Variants in PCDHGA1 observed in about 807,000 individuals in gnomAD.
PCDHGA1 encodes the protein protocadherin gamma-A1.
A neutral mutation model predicts 58.0 loss-of-function variants in PCDHGA1; 32 were observed. The ratio of observed to expected loss-of-function variants is 0.55; its 90% CI spans 0.42 to 0.74. PCDHGA1 has a LOEUF of 0.74. Among genes scored for constraint, PCDHGA1 ranks in the 30% least tolerant of loss-of-function variants. PCDHGA1 has a pLI of 0.00. For synonymous variants in PCDHGA1, 498 were observed against 501.1 expected (o/e 0.99, Z 0.08); for missense variants, 1,205 against 1,182.3 (o/e 1.02, Z -0.28).
intron 1 of PCDHGA1, chr5:141,478,489 C>G (rs779457709): frequency 5.6e-6 from 9 of 1,613,162 alleles, no homozygotes; most frequent in Middle Eastern, 1.6e-4. Flanking sequence ...CGCTGCGGAG[C>G]TGTGATCCGG....
chr5:141,510,852 G>A (rs2099883073), intron 3 of PCDHGA1, 95 bp from the exon 4 acceptor site: 2 of 1,601,096 alleles, frequency 1.2e-6, no homozygotes, highest in Non-Finnish European at 1.7e-6. Flanking sequence ...GGCCCAGGGT[G>A]CTGTATAGGC....
At chr5:141,408,205 G>A (rs1222360149) in intron 1 of PCDHGA1, 2 of 1,551,762 alleles carry the variant, frequency 1.3e-6, no homozygotes, top group Non-Finnish European at 1.7e-6. Context: ...AGCGAACGAT[G>A]GGAGGGAGCT....
chr5:141,349,057 A>T (rs1758226786), intron 1 of PCDHGA1, among the ~76,000 whole-genome samples: 1 of 152,072 alleles, frequency 6.6e-6, no homozygotes, highest in Non-Finnish European at 1.5e-5. Context: ...AGTCGGCTGG[A>T]GCTGAGAATT....
rs752743418 is a variant in PCDHGA1, at chr5:141,332,098, T to C, written c.1414T>C (p.Phe472Leu). The C allele has an allele frequency of 1.9e-6, 3 of 1,614,154 alleles. No individual in the cohort carries two copies. Among genetic ancestry groups the C allele is most frequent in the Non-Finnish European group, 2.5e-6 (3 of 1,180,032 alleles). The part of the protein sequence containing the change: ...PENNPRGASI[F>L]SVRAHDLDSN... ...AAACAACCCCAGAGGAGCCTCCATCTTCTCTGTGAGGGCCCACGACTTGGA... is the reference window on the plus strand; with the variant it reads ...AAACAACCCCAGAGGAGCCTCCATCCTCTCTGTGAGGGCCCACGACTTGGA... The change falls in exon 1 of 4, where the codon TTC (phenylalanine) becomes CTC (leucine). Residue 472 changes from phenylalanine (F) to leucine (L), a missense_variant. Phe to Leu is a conservative substitution (Grantham distance 22). Transcript: ENST00000517417. The surrounding 1 kb of genome is among the most constrained non-coding windows in gnomAD (Gnocchi z 4.6).
chr5:141,409,447 A>C, intron 1 of PCDHGA1: 1 of 1,614,008 alleles, frequency 6.2e-7, no homozygotes, highest in Non-Finnish European at 8.5e-7. Context: ...GAGAGCAGAC[A>C]CCAGAATACA....
At chr5:141,414,239 C>T in intron 1 of PCDHGA1, 1 of 1,613,498 alleles carries the variant, frequency 6.2e-7, no homozygotes, top group Non-Finnish European at 8.5e-7. Context: ...ACCATCACGT[C>T]TCTATTTAGT....
Position 141,330,775 on chromosome 5 carries a change from A to G in PCDHGA1, c.91A>G (p.Ile31Val). The change falls in exon 1 of 4, where the codon ATT (isoleucine) becomes GTT (valine). Residue 31 changes from isoleucine to valine, a missense_variant. By Grantham distance (29) the Ile-to-Val change is conservative (BLOSUM62 3). Transcript: ENST00000517417. ...ELLLEAGAGN[I>V]HYSVPEETDK... The stretch of plus-strand genomic sequence containing the variant: ...GCTGTTGGAAGCTGGGGCTGGGAAT[A>G]TTCACTACTCAGTGCCGGAAGAGAC... The G allele has an allele frequency of 6.2e-7, 1 of 1,614,208 alleles. No individual in the cohort carries two copies. Among genetic ancestry groups the G allele is most frequent in the Non-Finnish European group, 8.5e-7 (1 of 1,180,052 alleles).
chr5:141,505,143 C>G lies in PCDHGA1; in HGVS notation c.2481-250C>G, dbSNP rs578261428. ...CGCCACTGCACTCCAGCCTGGATGA[C>G]AGAGTAAGACCCTGTCTAAAACAAA... On this transcript the variant is annotated intron_variant, in intron 2 of 3. Coordinates refer to ENST00000517417, the MANE Select transcript of PCDHGA1 (RefSeq NM_018912.3). Among the ~76,000 whole-genome samples the G allele has an allele frequency of 3.3e-5, 5 of 152,290 alleles. No homozygotes were observed. The East Asian group carries it at 7.7e-4, about 24-fold the overall frequency.
At chr5:141,399,189 A>G (rs1015744299) in intron 1 of PCDHGA1, 11 of 1,613,970 alleles carry the variant, frequency 6.8e-6, no homozygotes, top group African/African-American at 1.3e-5. Context: ...TGATTCTGGA[A>G]AACGCGGTGC....
intron 1 of PCDHGA1, chr5:141,356,443 G>T: frequency 6.2e-7 from 1 of 1,612,380 alleles, no homozygotes; most frequent in African/African-American, 1.3e-5. Context: ...CAGGGAAGAA[G>T]TCTCAGAATA....
intron 1 of PCDHGA1, among the ~76,000 whole-genome samples, chr5:141,402,017 A>G (rs1052839882): frequency 2.0e-5 from 3 of 152,210 alleles, no homozygotes; most frequent in African/African-American, 7.2e-5. Flanking sequence ...ATGCATTTGA[A>G]TCATTGAAAC....
intron 1 of PCDHGA1, among the ~76,000 whole-genome samples, chr5:141,456,843 A>G (rs2098891742): frequency 6.6e-6 from 1 of 152,030 alleles, no homozygotes. Context: ...GGCGCCTGTA[A>G]TCCCAGCTAA....
chr5:141,384,651 C>T (rs138410124), intron 1 of PCDHGA1: 42,093 of 1,614,188 alleles, frequency 0.026, 638 homozygotes, highest in Non-Finnish European at 0.031. Context: ...CCGCAGAGCC[C>T]GGCTACCTGG....
intron 1 of PCDHGA1, chr5:141,361,642 T>C: frequency 6.2e-7 from 1 of 1,613,838 alleles, no homozygotes; most frequent in Non-Finnish European, 8.5e-7. Flanking sequence ...GGAGATTTTA[T>C]CCTACGTGTC....
intron 1 of PCDHGA1, among the ~76,000 whole-genome samples, chr5:141,438,587 CATACATATAT>C (rs1422309749): frequency 6.8e-5 from 5 of 73,430 alleles, no homozygotes; most frequent in South Asian, 5.1e-4. Context: ...TACATACATA[CATACATATAT>C]ATATATATAT....
chr5:141,409,483 G>A, intron 1 of PCDHGA1: 1 of 1,613,944 alleles, frequency 6.2e-7, no homozygotes, highest in Non-Finnish European at 8.5e-7. Context: ...CCACTGACAG[G>A]GGCAAGCCGC....
rs753768208 is a variant in PCDHGA1 at position 141,340,401 on chromosome 5, A to G, written c.2421+7296A>G. ...GCCTCTGTCTTCTCAGTGACGGCCC[A>G]TGACCCCGACAGCAACGACAATGCT... On this transcript the variant is annotated intron_variant, in intron 1 of 3. Coordinates refer to ENST00000517417, the MANE Select transcript of PCDHGA1 (RefSeq NM_018912.3). The G allele has an allele frequency of 2.5e-5, 40 of 1,614,036 alleles. No homozygotes were observed. The highest frequency in any genetic ancestry group is 4.0e-5 in the African/African-American group (3 of 74,902).
intron 1 of PCDHGA1, chr5:141,408,220 G>T: frequency 6.4e-7 from 1 of 1,558,994 alleles, no homozygotes; most frequent in Admixed American, 1.9e-5. Flanking sequence ...GGAGCTGCGC[G>T]CAGAGGCGCC....
chr5:141,353,683 A>G (rs1230591796), intron 1 of PCDHGA1, among the ~76,000 whole-genome samples: 1 of 152,236 alleles, frequency 6.6e-6, no homozygotes, highest in African/African-American at 2.4e-5. Flanking sequence ...TTGGGTTTAT[A>G]AAGCGTTTTC....
Sources: allele counts gnomAD v4.1 joint callset (sites outside exome capture counted in the v4.1 genomes callset), GRCh38; gene constraint gnomAD v4.1.1; non-coding constraint Gnocchi (gnomAD v3.1); transcripts MANE v1.5; gene names NCBI Gene and HGNC (gene_info 2026-07-23, HGNC 2026-07-21).